Variants in XG observed in about 807,000 individuals in gnomAD.
XG encodes the protein glycoprotein Xg.
XG carries 24 observed loss-of-function variants against 25.7 expected under a neutral mutation model. The observed-to-expected ratio is 0.93, with a 90% CI of 0.68 to 1.31. The LOEUF is 1.31. XG is among the 40% of genes most tolerant of loss of function. XG has a pLI of 0.00. For missense variants in XG, 181 were observed against 187.6 expected, an observed-to-expected ratio of 0.96 and a Z score of 0.21; for synonymous variants, 77 against 69.2, an observed-to-expected ratio of 1.11 and a Z score of -0.56.
intron 1 of XG, among the ~76,000 whole-genome samples, chrX:2,764,146 A>G (rs2124425071): frequency 6.6e-6 from 1 of 152,308 alleles, no homozygotes; most frequent in Non-Finnish European, 1.5e-5. Flanking sequence ...GTGTCTTCCC[A>G]CCAGCACCAT....
chrX:2,779,702 AGTGGC>A (rs1241521649), intron 3 of XG, among the ~76,000 whole-genome samples: 6 of 152,116 alleles, frequency 3.9e-5, no homozygotes, highest in Admixed American at 3.9e-4. Context: ...GCTGGAGTGC[AGTGGC>A]GTGATCTTGG....
chrX:2,812,658 T>A (rs2087069626), intron 10 of XG, among the ~76,000 whole-genome samples: 1 of 111,815 alleles, frequency 8.9e-6, no homozygotes, highest in Non-Finnish European at 1.9e-5. Context: ...GGGGTGAGCC[T>A]CCGTCTACAT....
chrX:2,793,180 C>T (rs749731298), intron 5 of XG, among the ~76,000 whole-genome samples: 1 of 111,733 alleles, frequency 8.9e-6, no homozygotes, highest in Non-Finnish European at 1.9e-5. Flanking sequence ...CTGGGTTGCA[C>T]CCGGCTTGCA....
chrX:2,799,939 C>T (rs1280820822), intron 7 of XG, among the ~76,000 whole-genome samples: 1 of 111,806 alleles, frequency 8.9e-6, no homozygotes, highest in Non-Finnish European at 1.9e-5. Flanking sequence ...GAATGGCCAC[C>T]AGCTCGATCC....
chrX:2,799,526 A>G (rs1263595045), intron 7 of XG, among the ~76,000 whole-genome samples: 1 of 111,333 alleles, frequency 9.0e-6, no homozygotes, highest in Admixed American at 9.7e-5. Flanking sequence ...AATGGGGCAG[A>G]GGGAAAATGC....
intron 3 of XG, among the ~76,000 whole-genome samples, chrX:2,781,425 C>T (rs1285592529): frequency 2.4e-4 from 36 of 150,950 alleles, no homozygotes; most frequent in Non-Finnish European, 7.4e-5. Context: ...TTTACTGAGG[C>T]TCCTGAGGAA....
intron 10 of XG, among the ~76,000 whole-genome samples, chrX:2,812,521 G>A (rs1248566481): frequency 1.8e-5 from 2 of 111,153 alleles, no homozygotes; most frequent in Admixed American, 9.6e-5. Flanking sequence ...AAACCAGAAA[G>A]GGGTGCCCAT....
At chrX:2,784,006 A>C (rs5982852) in intron 4 of XG, among the ~76,000 whole-genome samples, 27,640 of 107,036 alleles carry the variant, frequency 0.26, 4,140 homozygotes, top group African/African-American at 0.52. Flanking sequence ...CAAACCAAAC[A>C]AAACAAAACC....
intron 1 of XG, among the ~76,000 whole-genome samples, chrX:2,767,662 A>G (rs1339226215): frequency 6.6e-6 from 1 of 151,926 alleles, no homozygotes; most frequent in Non-Finnish European, 1.5e-5. Context: ...CAGGGGTCTT[A>G]CTCCAGACCC....
intron 3 of XG, among the ~76,000 whole-genome samples, chrX:2,777,892 C>T (rs1302591608): frequency 6.6e-6 from 1 of 152,004 alleles, no homozygotes; most frequent in Non-Finnish European, 1.5e-5. Context: ...AACCCCATCT[C>T]TACTAAAAAT....
At chrX:2,765,875 C>T (rs1365860496) in intron 1 of XG, among the ~76,000 whole-genome samples, 5 of 152,158 alleles carry the variant, frequency 3.3e-5, no homozygotes, top group East Asian at 1.9e-4. Flanking sequence ...GGTCGTGGCC[C>T]CTGAAGCATT....
chrX:2,793,814 A>G (rs780925786), intron 5 of XG, among the ~76,000 whole-genome samples: 1 of 111,724 alleles, frequency 9.0e-6, no homozygotes, highest in African/African-American at 3.3e-5. Flanking sequence ...CTCCCTGGGG[A>G]ATCGGCCACT....
intron 1 of XG, among the ~76,000 whole-genome samples, chrX:2,756,036 TTAAAA>T (rs1423538131): frequency 1.4e-4 from 22 of 152,284 alleles, no homozygotes; most frequent in South Asian, 2.1e-4. Context: ...ATCCCGGAAC[TTAAAA>T]TAAAATAAAG....
chrX:2,788,102 AAG>A (rs34253565), intron 4 of XG, among the ~76,000 whole-genome samples: 16,893 of 110,162 alleles, frequency 0.15, 1,907 homozygotes, highest in African/African-American at 0.39. Context: ...GAGAAAGGGA[AAG>A]AGAGAGAGAC....
intron 10 of XG, among the ~76,000 whole-genome samples, chrX:2,812,373 T>G (rs941257136): frequency 1.3e-4 from 14 of 111,005 alleles, no homozygotes; most frequent in Middle Eastern, 4.2e-3. Flanking sequence ...AGGGATTGTT[T>G]TATAGCCTAA....
chrX:2,766,885 TA>T (rs1486005695), intron 1 of XG, among the ~76,000 whole-genome samples: 1 of 152,004 alleles, frequency 6.6e-6, no homozygotes, highest in African/African-American at 2.4e-5. Context: ...TTTATACAGA[TA>T]GGATAGAGGG....
intron 1 of XG, among the ~76,000 whole-genome samples, chrX:2,757,176 C>A (rs1465054496): frequency 6.6e-6 from 1 of 152,104 alleles, no homozygotes; most frequent in Non-Finnish European, 1.5e-5. Flanking sequence ...GAACACCTCT[C>A]AGTGTTCAGA....
Position 2,814,365 on chromosome X carries a change from A to G in XG, c.573A>G (p.Glu191=). The G allele has an allele frequency of 8.3e-7, 1 of 1,206,126 alleles. No homozygotes were observed. Among genetic ancestry groups the G allele is most frequent in the Non-Finnish European group, 1.1e-6 (1 of 893,867 alleles). ...NNRRNCFRTH[E]PENV is the part of the protein sequence containing the mutation. ...ATTTGTTTCTAATCTTCCTTTCAGA[A>G]CCAGAAAATGTCTGAAGATGTTAAG... Residue 191 remains glutamate (E), a splice_region_variant and synonymous_variant, in exon 11 of 11, where the codon GAA becomes GAG. Transcript: ENST00000644266.
intron 10 of XG, among the ~76,000 whole-genome samples, chrX:2,812,550 A>G (rs2087068224): frequency 9.0e-6 from 1 of 111,096 alleles, no homozygotes; most frequent in South Asian, 3.8e-4. Context: ...TGTTTGCTTT[A>G]GGATTTGCAT....
Sources: allele counts gnomAD v4.1 joint callset (sites outside exome capture counted in the v4.1 genomes callset), GRCh38; gene constraint gnomAD v4.1.1; transcripts MANE v1.5; gene names NCBI Gene and HGNC (gene_info 2026-07-23, HGNC 2026-07-21).